The following FRY variants were observed in gnomAD, a reference collection of about 807,000 sequenced individuals.
FRY encodes FRY microtubule binding protein.
In FRY, 128 loss-of-function variants were observed where a neutral mutation model predicts 348.4. That is an observed-to-expected ratio of 0.37 (90% CI 0.32 to 0.43). The LOEUF (loss-of-function observed/expected upper bound fraction) is 0.43, where lower values mean the gene tolerates loss of function less well. Ranked by LOEUF, FRY falls within the 20% of genes least tolerant of loss-of-function variation. The pLI is 1.00. For synonymous variants in FRY, 1,370 were observed against 1,374.7 expected (o/e 1.00, Z 0.08); for missense variants, 2,736 against 3,695.2 (o/e 0.74, Z 6.73).
chr13:32,161,756 G>A (rs1881456217), intron 17 of FRY, among the ~76,000 whole-genome samples: 2 of 152,186 alleles, frequency 1.3e-5, no homozygotes, highest in Non-Finnish European at 2.9e-5. Flanking sequence ...AAGAATGCAG[G>A]TCGTGGATAT....
At chr13:32,245,799 A>G (rs1192226222) in intron 47 of FRY, among the ~76,000 whole-genome samples, 1 of 152,114 alleles carries the variant, frequency 6.6e-6, no homozygotes, top group Non-Finnish European at 1.5e-5. Flanking sequence ...CCTTTTCTCT[A>G]TATTGTATTT....
At chr13:32,145,788 C>T (rs1007642300) in intron 11 of FRY, among the ~76,000 whole-genome samples, 2 of 151,836 alleles carry the variant, frequency 1.3e-5, no homozygotes, top group Non-Finnish European at 2.9e-5. Flanking sequence ...TCATGATCCA[C>T]CCGCCTCGGC....
chr13:32,123,783 A>G (rs529742206), intron 4 of FRY, among the ~76,000 whole-genome samples: 2 of 152,150 alleles, frequency 1.3e-5, no homozygotes, highest in African/African-American at 4.8e-5. Context: ...TTCAAATCCA[A>G]TGTTTGTCCA....
rs186477124 is a variant in FRY, at chr13:32,261,649, C to T, written c.7450C>T (p.Arg2484Cys). ...ESMDNFNWGV[R>C]RRSLDSLDKC... ...TATGGACAATTTCAACTGGGGAGTG[C>T]GCAGACGTTCTCTGGACAGCCTGGA... is the stretch of plus-strand genomic sequence containing the variant. The change falls in exon 52 of 61, where the codon CGC (arginine) becomes TGC (cysteine). Residue 2484 changes from arginine (R) to cysteine (C), a missense_variant. Arg to Cys is a radical substitution (Grantham distance 180, BLOSUM62 -3). Coordinates refer to ENST00000542859, the MANE Select transcript of FRY (RefSeq NM_023037.3). 19 of 1,614,054 alleles carry T rather than the reference C, an allele frequency of 1.2e-5. No homozygotes were observed. Among genetic ancestry groups the T allele is most frequent in the East Asian group, 2.2e-5 (1 of 44,890 alleles).
intron 2 of FRY, among the ~76,000 whole-genome samples, chr13:32,085,511 C>T (rs1178255312): frequency 1.3e-5 from 2 of 152,162 alleles, no homozygotes; most frequent in Non-Finnish European, 2.9e-5. Flanking sequence ...TGTTGTGTGA[C>T]CTTGGACCAG....
At chr13:32,178,633 G>A (rs1437953921) in intron 21 of FRY, among the ~76,000 whole-genome samples, 197 bp downstream of exon 21, 3 of 152,148 alleles carry the variant, frequency 2.0e-5, no homozygotes, top group East Asian at 1.9e-4. Flanking sequence ...CAGTATGATT[G>A]TCTAAGTCTA....
intron 35 of FRY, 35 bp downstream of exon 35, chr13:32,212,417 A>G (rs1389769767): frequency 2.5e-6 from 3 of 1,193,656 alleles, no homozygotes; most frequent in Admixed American, 1.8e-5. Flanking sequence ...ATCCAGTGTA[A>G]TGTTCTGCAA....
At chr13:32,257,650 A>G (rs957188057) in intron 51 of FRY, among the ~76,000 whole-genome samples, 3 of 152,220 alleles carry the variant, frequency 2.0e-5, no homozygotes, top group African/African-American at 4.8e-5. Context: ...AGGCATTCCA[A>G]AAAAGTGTTG....
chr13:32,234,489 G>C (rs547919336), intron 41 of FRY, 85 bp from the exon 42 acceptor site: 1 of 1,159,574 alleles, frequency 8.6e-7, no homozygotes, highest in Non-Finnish European at 1.3e-6. Flanking sequence ...TGTGCCGTTA[G>C]CCTGTTTTAA....
intron 17 of FRY, among the ~76,000 whole-genome samples, chr13:32,163,699 C>T (rs915445209): frequency 1.2e-4 from 18 of 152,130 alleles, no homozygotes; most frequent in African/African-American, 4.3e-4. Flanking sequence ...GTGGGAGGCT[C>T]CTACCTCTGG....
intron 29 of FRY, among the ~76,000 whole-genome samples, chr13:32,195,019 T>C (rs1201409339): frequency 6.6e-6 from 1 of 152,194 alleles, no homozygotes; most frequent in Non-Finnish European, 1.5e-5. Context: ...AATAGCTATC[T>C]TGAGCTACCA....
chr13:32,236,210 A>T, intron 43 of FRY, 38 bp downstream of exon 43: 1 of 1,353,406 alleles, frequency 7.4e-7, no homozygotes, highest in Non-Finnish European at 1.1e-6. Context: ...CATCAAGTAT[A>T]CTGCACAGGA....
At position 32,298,744 on chromosome 13, in the gene FRY, A is replaced by G. The variant is rs978990351; in HGVS notation, c.*3284A>G. On this transcript the variant is annotated 3_prime_UTR_variant, in exon 61 of 61. Transcript: ENST00000542859. ...GGAAAAGAGCATTCCAGCAAAGGAA[A>G]AAACACATGCAGAGACCCTGAAGGA... 3.3e-5 allele frequency: 5 copies of G among 152,304 alleles called. No homozygotes were observed. Among genetic ancestry groups the G allele is most frequent in the African/African-American group, 1.2e-4 (5 of 41,478 alleles). The allele number at this position is 152,304 out of a possible 1,614,324, so 9.4% of individuals were successfully genotyped here.
chr13:32,177,714 A>ATC (rs1398918451), intron 20 of FRY, among the ~76,000 whole-genome samples: 2 of 152,226 alleles, frequency 1.3e-5, no homozygotes, highest in African/African-American at 4.8e-5. Context: ...CAAAGGGAAG[A>ATC]TATTTCAGTG....
At chr13:32,293,198 T>C (rs1889463368) in intron 59 of FRY, among the ~76,000 whole-genome samples, 1 of 152,226 alleles carries the variant, frequency 6.6e-6, no homozygotes, top group African/African-American at 2.4e-5. Context: ...AGTGTTTAAA[T>C]ACTACATAAG....
chr13:32,053,883 C>A (rs1873477477), intron 1 of FRY, among the ~76,000 whole-genome samples: 1 of 152,106 alleles, frequency 6.6e-6, no homozygotes, highest in African/African-American at 2.4e-5. Flanking sequence ...TCTCTATGCT[C>A]CTTCACTGCA....
intron 24 of FRY, among the ~76,000 whole-genome samples, chr13:32,184,143 C>G (rs1593709350): frequency 6.6e-6 from 1 of 152,262 alleles, no homozygotes; most frequent in East Asian, 1.9e-4. Flanking sequence ...CACACCACTG[C>G]ACTCCAGCCT....
At chr13:32,208,227 C>T (rs962978372) in intron 31 of FRY, among the ~76,000 whole-genome samples, 1 of 152,176 alleles carries the variant, frequency 6.6e-6, no homozygotes, top group African/African-American at 2.4e-5. Flanking sequence ...TAGAGATCCG[C>T]ATGTCACTTT....
chr13:32,200,086 G>A (rs1883917661), intron 29 of FRY, among the ~76,000 whole-genome samples: 2 of 152,008 alleles, frequency 1.3e-5, no homozygotes, highest in South Asian at 4.2e-4. Flanking sequence ...AAAGCTACTG[G>A]CCCCACTCCT....
Sources: allele counts gnomAD v4.1 joint callset (sites outside exome capture counted in the v4.1 genomes callset), GRCh38; gene constraint gnomAD v4.1.1; transcripts MANE v1.5; gene names NCBI Gene and HGNC (gene_info 2026-07-23, HGNC 2026-07-21).